Variants in SIPA1L3 observed in about 807,000 individuals in gnomAD.
SIPA1L3 encodes signal-induced proliferation-associated 1-like protein 3.
A neutral mutation model predicts 150.1 loss-of-function variants in SIPA1L3; 59 were observed. That is an observed-to-expected ratio of 0.39 (90% confidence interval 0.32 to 0.49). The LOEUF is 0.49. Ranked by LOEUF, SIPA1L3 falls within the 20% of genes least tolerant of loss-of-function variation. The pLI is 0.86. For synonymous variants in SIPA1L3, 1,070 were observed against 1,077.6 expected (o/e 0.99, Z 0.14); for missense variants, 2,211 against 2,489.5 (o/e 0.89, Z 2.38).
At chr19:38,032,641 A>G (rs1458760314) in intron 2 of SIPA1L3, among the ~76,000 whole-genome samples, 3 of 152,134 alleles carry the variant, frequency 2.0e-5, no homozygotes, top group African/African-American at 7.2e-5. Context: ...GGAGTTCAAG[A>G]CCAGCCTGGC....
Position 38,182,531 on chromosome 19 carries a change from G to A in SIPA1L3, c.4221G>A (p.Ser1407=), listed in dbSNP as rs375628403. The A allele has an allele frequency of 2.8e-5, 45 of 1,607,994 alleles. No individual in the cohort carries two copies. In the African/African-American group the frequency reaches 4.6e-4, roughly 16 times the overall value. Residue 1407 remains serine (S), a synonymous_variant, in exon 16 of 22, where the codon TCG becomes TCA. Transcript: ENST00000222345. ...DPPRQPSDMG[S]RVGYPAQVYK... Reference sequence around the variant, plus strand: ...TTTTGCTTTGCAGTGACATGGGCTCGAGGGTTGGCTACCCCGCTCAGGTTT... The same window carrying A: ...TTTTGCTTTGCAGTGACATGGGCTCAAGGGTTGGCTACCCCGCTCAGGTTT...
chr19:38,147,294 A>G (rs1381159957), intron 12 of SIPA1L3, among the ~76,000 whole-genome samples: 1 of 152,034 alleles, frequency 6.6e-6, no homozygotes, highest in Non-Finnish European at 1.5e-5. Context: ...CTCCTGGGCT[A>G]AATCAAGTGA....
intron 1 of SIPA1L3, among the ~76,000 whole-genome samples, chr19:37,993,080 G>A (rs1396519555): frequency 6.6e-6 from 1 of 152,208 alleles, no homozygotes; most frequent in Non-Finnish European, 1.5e-5. Context: ...CAGCAGAATA[G>A]TGAGGGCAAT....
At chr19:38,171,065 C>G (rs912200612) in intron 15 of SIPA1L3, among the ~76,000 whole-genome samples, 1 of 150,974 alleles carries the variant, frequency 6.6e-6, no homozygotes, top group Non-Finnish European at 1.5e-5. Context: ...TTTTTTAAGT[C>G]TGTTGAATTT....
At chr19:38,074,656 A>T (rs1318028598) in intron 2 of SIPA1L3, among the ~76,000 whole-genome samples, 2 of 152,266 alleles carry the variant, frequency 1.3e-5, no homozygotes, top group Non-Finnish European at 2.9e-5. Flanking sequence ...CACCATAGAT[A>T]AAATAATTGC....
At chr19:37,936,502 G>A (rs137935862) in intron 1 of SIPA1L3, among the ~76,000 whole-genome samples, 53 of 152,324 alleles carry the variant, frequency 3.5e-4, no homozygotes, top group Non-Finnish European at 2.6e-4. Context: ...ATCAGTGTTC[G>A]AAGTTAGTCT....
chr19:38,203,723 T>A (rs1973141877), intron 20 of SIPA1L3: 1 of 170,702 alleles, frequency 5.9e-6, no homozygotes, highest in African/African-American at 2.4e-5. Flanking sequence ...CAGGTCCTTT[T>A]GACCATCTGT....
chr19:38,194,289 C>T (rs1004163908), intron 18 of SIPA1L3, among the ~76,000 whole-genome samples: 3 of 152,114 alleles, frequency 2.0e-5, no homozygotes, highest in Non-Finnish European at 4.4e-5. Flanking sequence ...CTGCGCACAC[C>T]ACCCGCATCA....
intron 1 of SIPA1L3, among the ~76,000 whole-genome samples, chr19:37,947,408 G>A (rs2046721795): frequency 6.6e-6 from 1 of 151,026 alleles, no homozygotes; most frequent in South Asian, 2.1e-4. Flanking sequence ...AGAATTGCTT[G>A]AACCCAGGAG....
At chr19:38,076,185 AAAT>A (rs1417340046) in intron 2 of SIPA1L3, among the ~76,000 whole-genome samples, 1 of 152,062 alleles carries the variant, frequency 6.6e-6, no homozygotes, top group African/African-American at 2.4e-5. Flanking sequence ...AAATAAATAA[AAAT>A]AAAATGTTAG....
chr19:38,092,896 G>A (rs1486054462), intron 4 of SIPA1L3, among the ~76,000 whole-genome samples: 1 of 106,704 alleles, frequency 9.4e-6, no homozygotes, highest in Non-Finnish European at 1.8e-5. Context: ...GTCTAGCTTT[G>A]TTCCCCAGGC....
At chr19:38,205,970 C>A in intron 21 of SIPA1L3, 127 bp from the exon 22 acceptor site, 1 of 1,122,192 alleles carries the variant, frequency 8.9e-7, no homozygotes, top group Non-Finnish European at 1.2e-6. Flanking sequence ...GTGCCCCGGC[C>A]TGGCCTGGCT....
intron 1 of SIPA1L3, among the ~76,000 whole-genome samples, chr19:37,985,384 C>A (rs1273951115): frequency 6.6e-6 from 1 of 151,932 alleles, no homozygotes; most frequent in African/African-American, 2.4e-5. Context: ...TTGTTTTAGT[C>A]AAGTGTGATG....
chr19:37,934,740 G>A (rs924316456), intron 1 of SIPA1L3, among the ~76,000 whole-genome samples: 5 of 148,798 alleles, frequency 3.4e-5, no homozygotes, highest in Admixed American at 6.8e-5. Context: ...AGGACTGTAT[G>A]TATCTTTCCA....
chr19:38,030,553 C>A (rs957813564), intron 2 of SIPA1L3, among the ~76,000 whole-genome samples: 6 of 148,616 alleles, frequency 4.0e-5, no homozygotes, highest in Admixed American at 6.7e-5. Context: ...TAAATAAATA[C>A]ATACATACAT....
chr19:38,128,554 A>G (rs1971230855), intron 9 of SIPA1L3, among the ~76,000 whole-genome samples: 1 of 152,162 alleles, frequency 6.6e-6, no homozygotes, highest in African/African-American at 2.4e-5. Flanking sequence ...TTGTGACGTA[A>G]AATTATTTCT....
intron 1 of SIPA1L3, among the ~76,000 whole-genome samples, chr19:37,938,297 G>T (rs949327153): frequency 5.9e-5 from 9 of 152,072 alleles, no homozygotes; most frequent in African/African-American, 2.2e-4. Context: ...ACACTTCCTG[G>T]TGCACATGGA....
At chr19:38,050,323 G>A (rs1969160486) in intron 2 of SIPA1L3, among the ~76,000 whole-genome samples, 1 of 152,018 alleles carries the variant, frequency 6.6e-6, no homozygotes, top group Non-Finnish European at 1.5e-5. Context: ...CGACGTGGTG[G>A]CGCATGCCTG....
At chr19:38,188,855 G>A (rs531238112) in intron 16 of SIPA1L3, among the ~76,000 whole-genome samples, 4 of 151,690 alleles carry the variant, frequency 2.6e-5, no homozygotes, top group East Asian at 2.0e-4. Flanking sequence ...CCTCGGAGGC[G>A]GAGCTTGCAG....
Sources: allele counts gnomAD v4.1 joint callset (sites outside exome capture counted in the v4.1 genomes callset), GRCh38; gene constraint gnomAD v4.1.1; transcripts MANE v1.5; gene names NCBI Gene and HGNC (gene_info 2026-07-23, HGNC 2026-07-21).